Variants in CREB5 observed in about 807,000 individuals in gnomAD.
CREB5 encodes the protein cAMP responsive element binding protein 5.
A neutral mutation model predicts 57.1 loss-of-function variants in CREB5; 19 were observed. The observed-to-expected ratio is 0.33, with a 90% CI of 0.23 to 0.49. The LOEUF (loss-of-function observed/expected upper bound fraction) is 0.49, where lower values mean the gene tolerates loss of function less well. Among genes scored for constraint, CREB5 ranks in the 20% least tolerant of loss-of-function variants. The probability of loss-of-function intolerance (pLI) is 0.99; values close to 1 mark genes in which losing one functional copy is unlikely to be tolerated. For missense variants in CREB5, 579 were observed against 671.6 expected, an observed-to-expected ratio of 0.86 and a Z score of 1.52; for synonymous variants, 238 against 238.3, an observed-to-expected ratio of 1.00 and a Z score of 0.01.
chr7:28,324,345 G>A (rs1372715739), intron 1 of CREB5, among the ~76,000 whole-genome samples: 2 of 151,958 alleles, frequency 1.3e-5, no homozygotes, highest in African/African-American at 2.4e-5. Flanking sequence ...CAGTCATTCC[G>A]GTTGAGTTTC....
intron 7 of CREB5, among the ~76,000 whole-genome samples, chr7:28,725,472 T>C (rs1051831106): frequency 6.6e-6 from 1 of 152,200 alleles, no homozygotes; most frequent in African/African-American, 2.4e-5. Context: ...CCACAGTCCC[T>C]GTGATGTGCC....
rs528179562 is a variant in CREB5 at position 28,821,276 on chromosome 7, AAAG to A, written c.*2000_*2002del. The A allele has an allele frequency of 3.1e-4, 47 of 152,146 alleles. No homozygotes were observed. The highest frequency in any genetic ancestry group is 6.0e-4 in the Non-Finnish European group (41 of 68,030). The allele number at this position is 152,146 out of a possible 1,614,324, so 9.4% of individuals were successfully genotyped here. ...GTATAAGAATCTATTTTGGAGAAAA[AAAG>A]AAAATATGAGGGTCTCGAAGCATGA... On this transcript the variant is annotated 3_prime_UTR_variant, in exon 11 of 11. Coordinates refer to ENST00000357727, the MANE Select transcript of CREB5 (RefSeq NM_182898.4).
chr7:28,339,926 C>T (rs940858859), intron 1 of CREB5, among the ~76,000 whole-genome samples: 1 of 152,190 alleles, frequency 6.6e-6, no homozygotes, highest in Non-Finnish European at 1.5e-5. Flanking sequence ...CCACCACAGG[C>T]CCACGGGCAG....
upstream of CREB5, chr7:28,409,798 C>T (rs1290661311): frequency 8.9e-6 from 4 of 446,990 alleles, no homozygotes; most frequent in South Asian, 3.2e-5. The surrounding 1 kb of genome is among the most constrained non-coding windows in gnomAD (Gnocchi z 4.4). Context: ...AACGTGGAGC[C>T]GGCGCCGAGT....
At chr7:28,362,094 C>A (rs1786498131) in intron 1 of CREB5, among the ~76,000 whole-genome samples, 1 of 152,228 alleles carries the variant, frequency 6.6e-6, no homozygotes, top group Non-Finnish European at 1.5e-5. Flanking sequence ...TAAGCAAATT[C>A]TCAGAAGTAC....
rs114022755 is a variant in CREB5 at position 28,730,537 on chromosome 7, A to G, written c.702+6205A>G. Among the ~76,000 whole-genome samples the G allele has an allele frequency of 3.4e-3, 512 of 152,214 alleles. 1 individual carries two copies. Among genetic ancestry groups the G allele is most frequent in the African/African-American group, 0.012 (481 of 41,508 alleles). ...GAGTGAATAAACTGAAAGGTTGGGT[A>G]TGTTGTAGAGCATGCAGTTGGTAAA... is the stretch of plus-strand genomic sequence containing the variant. On this transcript the variant is annotated intron_variant, in intron 7 of 10. Transcript: ENST00000357727.
chr7:28,721,893 G>A (rs192085836), intron 6 of CREB5, among the ~76,000 whole-genome samples: 1 of 152,320 alleles, frequency 6.6e-6, no homozygotes, highest in Admixed American at 6.5e-5. Context: ...GTTTTCCAGT[G>A]TGTGCAAAAG....
Position 28,643,751 on chromosome 7 carries a change from T to TTG in CREB5, c.464+73214_464+73215insTG, listed in dbSNP as rs5883161. 2.2e-5 allele frequency among the ~76,000 whole-genome samples: 3 copies of TTG among 133,550 alleles called. No homozygotes were observed. The East Asian group carries it at 6.2e-4, about 28-fold the overall frequency. The allele number at this position is 133,550 out of a possible 152,430, so 87.6% of individuals were successfully genotyped here. On this transcript the variant is annotated intron_variant, in intron 5 of 10. Transcript: ENST00000357727. ...ACGAATAGTTCACGGGTTTGGGAGG[T>TTG]GGGGGGGGGCGGAAGAAAAAAAAAA...
At chr7:28,511,289 GAGA>G (rs1792691438) in intron 4 of CREB5, among the ~76,000 whole-genome samples, 1 of 151,960 alleles carries the variant, frequency 6.6e-6, no homozygotes, top group Non-Finnish European at 1.5e-5. Flanking sequence ...ACGTACTGGG[GAGA>G]AGAATGTTTC....
At chr7:28,818,813 A>G (rs576095901) in intron 10 of CREB5, 4 of 504,042 alleles carry the variant, frequency 7.9e-6, no homozygotes, top group African/African-American at 7.7e-5. Context: ...CACATTTGAT[A>G]TACGGATGGC....
intron 4 of CREB5, among the ~76,000 whole-genome samples, chr7:28,527,587 T>G (rs1583580153): frequency 2.0e-5 from 3 of 152,278 alleles, no homozygotes; most frequent in Admixed American, 2.0e-4. Flanking sequence ...GAGGCTCATG[T>G]AGGAGGATCA....
At chr7:28,753,350 A>G (rs1043622501) in intron 7 of CREB5, among the ~76,000 whole-genome samples, 1 of 152,134 alleles carries the variant, frequency 6.6e-6, no homozygotes, top group African/African-American at 2.4e-5. Flanking sequence ...TCTATACAGA[A>G]TGTCCCTAAT....
At chr7:28,686,550 G>A (rs934833057) in intron 5 of CREB5, among the ~76,000 whole-genome samples, 8 of 152,092 alleles carry the variant, frequency 5.3e-5, no homozygotes, top group Non-Finnish European at 8.8e-5. Flanking sequence ...AGCGAAGCGA[G>A]AAAGAGCAAA....
chr7:28,339,627 C>T (rs544946138), intron 1 of CREB5, among the ~76,000 whole-genome samples: 2 of 152,292 alleles, frequency 1.3e-5, no homozygotes, highest in East Asian at 3.9e-4. Context: ...GTCCACTGTA[C>T]CACTGCCCAG....
chr7:28,551,991 CTCTTT>C (rs900366414), intron 4 of CREB5, among the ~76,000 whole-genome samples: 130 of 29,768 alleles, frequency 4.4e-3, no homozygotes, highest in East Asian at 0.011. Flanking sequence ...CTCTCTTTCT[CTCTTT>C]TCTCTCTCTC....
At chr7:28,543,158 G>A (rs1318545615) in intron 4 of CREB5, among the ~76,000 whole-genome samples, 5 of 152,124 alleles carry the variant, frequency 3.3e-5, no homozygotes, top group Non-Finnish European at 5.9e-5. Flanking sequence ...TGGAACAAAT[G>A]TCTGTTGGCC....
intron 1 of CREB5, among the ~76,000 whole-genome samples, chr7:28,382,320 C>T (rs1786981581): frequency 2.0e-5 from 3 of 152,194 alleles, no homozygotes; most frequent in South Asian, 4.1e-4. Flanking sequence ...CACAGACACA[C>T]CCGGGGCAGT....
chr7:28,684,721 C>A (rs1800772125), intron 5 of CREB5, among the ~76,000 whole-genome samples: 1 of 146,376 alleles, frequency 6.8e-6, no homozygotes, highest in Admixed American at 7.1e-5. Context: ...GTAGCACAAG[C>A]CATGGTCATT....
At chr7:28,450,853 G>A (rs1274899584) in intron 1 of CREB5, among the ~76,000 whole-genome samples, 1 of 152,206 alleles carries the variant, frequency 6.6e-6, no homozygotes, top group Non-Finnish European at 1.5e-5. Flanking sequence ...GGTTGGTGAT[G>A]AAGTAGATGC....
Sources: gnomAD v4.1 joint callset for allele counts (sites outside exome capture counted in the v4.1 genomes callset) on GRCh38, gnomAD v4.1.1 for gene constraint, Gnocchi (gnomAD v3.1) non-coding constraint, MANE v1.5 for transcripts, NCBI Gene and HGNC (gene_info 2026-07-23, HGNC 2026-07-21) for gene names.